SPAG16: variants seen among roughly 807,000 people sequenced by gnomAD.
SPAG16 encodes sperm associated antigen 16.
SPAG16 carries 86 observed loss-of-function variants against 80.4 expected under a neutral mutation model. The observed-to-expected ratio is 1.07, with a 90% CI of 0.90 to 1.28. The LOEUF is 1.28. Ranked by LOEUF, SPAG16 falls within the 50% of genes most tolerant of loss-of-function variation. The pLI is 0.00. For missense variants in SPAG16, 870 were observed against 765.3 expected (o/e 1.14, Z -1.61); for synonymous variants, 294 against 265.9 (o/e 1.11, Z -1.03).
At chr2:213,314,792 A>T (rs1400904536) in intron 4 of SPAG16, among the ~76,000 whole-genome samples, 1 of 151,942 alleles carries the variant, frequency 6.6e-6, no homozygotes, top group Non-Finnish European at 1.5e-5. Flanking sequence ...TTTTATGGTC[A>T]GAAAAAGCCT....
At chr2:214,397,525 A>C (rs1701469181) in intron 15 of SPAG16, among the ~76,000 whole-genome samples, 1 of 152,126 alleles carries the variant, frequency 6.6e-6, no homozygotes, top group Admixed American at 6.5e-5. Context: ...TTCCTTCGCA[A>C]CTATAATTCC....
At chr2:214,195,243 GA>G (rs36171946) in intron 15 of SPAG16, among the ~76,000 whole-genome samples, 45,333 of 151,392 alleles carry the variant, frequency 0.3, 8,457 homozygotes, top group Non-Finnish European at 0.42. Context: ...AAAAATGTAG[GA>G]AAAGGCAGAG....
chr2:213,749,614 A>G (rs2067992448), intron 10 of SPAG16, among the ~76,000 whole-genome samples: 2 of 152,264 alleles, frequency 1.3e-5, no homozygotes, highest in Admixed American at 6.5e-5. Context: ...TGTATACTAT[A>G]GATTTAAATA....
intron 13 of SPAG16, among the ~76,000 whole-genome samples, chr2:214,059,714 C>T (rs1050512779): frequency 6.6e-5 from 10 of 151,872 alleles, no homozygotes; most frequent in Middle Eastern, 3.4e-3. Flanking sequence ...GGATCACTCA[C>T]CATTCCTCAG....
chr2:214,069,044 T>C (rs1231955320), intron 13 of SPAG16, among the ~76,000 whole-genome samples: 4 of 152,184 alleles, frequency 2.6e-5, no homozygotes, highest in African/African-American at 9.7e-5. Flanking sequence ...AAGTTGTATA[T>C]GCTTTTAAAA....
chr2:213,433,547 A>T (rs2070430650), intron 9 of SPAG16, among the ~76,000 whole-genome samples: 1 of 152,222 alleles, frequency 6.6e-6, no homozygotes, highest in South Asian at 2.1e-4. Context: ...AACCAAGGAG[A>T]TGAAATATCC....
intron 15 of SPAG16, among the ~76,000 whole-genome samples, chr2:214,405,564 G>A (rs554545875): frequency 1.3e-5 from 2 of 152,186 alleles, no homozygotes; most frequent in Admixed American, 6.5e-5. Context: ...GGGAGGCCAA[G>A]ATGAGTGGAT....
At chr2:213,809,479 GA>G (rs745835077) in intron 10 of SPAG16, among the ~76,000 whole-genome samples, 3 of 151,946 alleles carry the variant, frequency 2.0e-5, no homozygotes, top group East Asian at 1.9e-4. Context: ...AGCTCTAAAT[GA>G]AAAAAGAGGT....
At chr2:214,123,202 G>T (rs2054304510) in intron 14 of SPAG16, among the ~76,000 whole-genome samples, 1 of 151,756 alleles carries the variant, frequency 6.6e-6, no homozygotes, top group African/African-American at 2.4e-5. Context: ...TTTGGTGTTA[G>T]AAATCTAATA....
intron 10 of SPAG16, among the ~76,000 whole-genome samples, chr2:213,836,891 G>A (rs2074117772): frequency 1.3e-5 from 2 of 152,258 alleles, no homozygotes; most frequent in South Asian, 4.1e-4. Flanking sequence ...TGGGATTACA[G>A]GCATGAGCCA....
chr2:213,419,035 T>C (rs533097737), intron 9 of SPAG16, among the ~76,000 whole-genome samples: 1 of 101,146 alleles, frequency 9.9e-6, no homozygotes, highest in East Asian at 1.9e-4. Context: ...AGGAGTAGTA[T>C]GGTAGGAATA....
intron 15 of SPAG16, among the ~76,000 whole-genome samples, chr2:214,366,848 G>GA (rs139926715): frequency 0.023 from 3,420 of 149,796 alleles, 116 homozygotes; most frequent in African/African-American, 0.079. Context: ...TGATATAGTT[G>GA]AAAAAAAAAC....
At chr2:213,363,358 C>T (rs1024469725) in intron 7 of SPAG16, among the ~76,000 whole-genome samples, 14 of 151,512 alleles carry the variant, frequency 9.2e-5, no homozygotes, top group Admixed American at 5.9e-4. Flanking sequence ...CATGAGCACT[C>T]ATCTATAGGT....
chr2:213,324,281 A>C (rs1188358841), intron 5 of SPAG16, among the ~76,000 whole-genome samples: 1 of 152,052 alleles, frequency 6.6e-6, no homozygotes, highest in African/African-American at 2.4e-5. Context: ...TAATTTTTAC[A>C]GTTATTTTTT....
chr2:214,019,794 T>C (rs150519147), intron 13 of SPAG16, among the ~76,000 whole-genome samples: 1 of 152,218 alleles, frequency 6.6e-6, no homozygotes, highest in East Asian at 1.9e-4. Flanking sequence ...GATTTAGTAA[T>C]GTTTACTGGA....
intron 15 of SPAG16, among the ~76,000 whole-genome samples, chr2:214,282,472 A>G (rs1380247289): frequency 6.6e-6 from 1 of 152,124 alleles, no homozygotes; most frequent in Non-Finnish European, 1.5e-5. Flanking sequence ...TGTTTAGTCA[A>G]TTGATAGACT....
intron 10 of SPAG16, among the ~76,000 whole-genome samples, chr2:213,805,606 G>T (rs1052947722): frequency 1.1e-4 from 17 of 152,116 alleles, no homozygotes; most frequent in African/African-American, 3.4e-4. Flanking sequence ...AGCAGAGCTG[G>T]ATAACCACTT....
Position 214,211,351 on chromosome 2 carries a change from G to C in SPAG16, c.1720+62085G>C, listed in dbSNP as rs1209823378. On this transcript the variant is annotated intron_variant, in intron 15 of 15. Transcript: ENST00000331683. The stretch of plus-strand genomic sequence containing the variant: ...AACATGGTTCTCAAATGATTTTGAA[G>C]TGGTCAGGCCCACAAAAGTCCACAC... Among the ~76,000 whole-genome samples the C allele has an allele frequency of 2.0e-5, 3 of 152,258 alleles. No individual in the cohort carries two copies. In the South Asian group the frequency reaches 6.2e-4, roughly 32 times the overall value.
intron 15 of SPAG16, among the ~76,000 whole-genome samples, chr2:214,190,112 A>G (rs2057612306): frequency 6.6e-6 from 1 of 152,038 alleles, no homozygotes; most frequent in South Asian, 2.1e-4. Flanking sequence ...ATATGTAGCC[A>G]CACACCTGTC....
Sources: gnomAD v4.1 joint callset for allele counts (sites outside exome capture counted in the v4.1 genomes callset) on GRCh38, gnomAD v4.1.1 for gene constraint, MANE v1.5 for transcripts, NCBI Gene and HGNC (gene_info 2026-07-23, HGNC 2026-07-21) for gene names.